The following THADA variants were observed in gnomAD, a reference collection of about 807,000 sequenced individuals.
The protein encoded by THADA is THADA armadillo repeat containing, also known as tRNA (32-2'-O)-methyltransferase regulator THADA.
THADA carries 213 observed loss-of-function variants against 219.8 expected under a neutral mutation model. The ratio of observed to expected loss-of-function variants is 0.97; its 90% CI spans 0.87 to 1.09. THADA has a LOEUF of 1.09. Among genes scored for constraint, THADA ranks in the 50% least tolerant of loss-of-function variants. The pLI, the probability that THADA is intolerant of heterozygous loss-of-function variation, is 0.00. For synonymous variants in THADA, 1,018 were observed against 828.9 expected (o/e 1.23, Z -3.92); for missense variants, 2,956 against 2,311.3 (o/e 1.28, Z -5.72).
chr2:43,305,062 C>G (rs1676699400), intron 31 of THADA, among the ~76,000 whole-genome samples: 1 of 152,100 alleles, frequency 6.6e-6, no homozygotes, highest in African/African-American at 2.4e-5. Flanking sequence ...TCAGATCCAA[C>G]AAAAGTTTTT....
chr2:43,516,786 T>C (rs903023027), intron 22 of THADA, among the ~76,000 whole-genome samples: 1 of 152,096 alleles, frequency 6.6e-6, no homozygotes, highest in African/African-American at 2.4e-5. Flanking sequence ...ATCAACTCTC[T>C]AATATTTGTT....
intron 26 of THADA, chr2:43,463,165 A>G (rs1348964969): frequency 1.3e-5 from 2 of 152,204 alleles, no homozygotes; most frequent in Non-Finnish European, 2.9e-5. Context: ...TCTCTTTTTT[A>G]GAGCTGTTCA....
intron 30 of THADA, among the ~76,000 whole-genome samples, chr2:43,330,281 G>A (rs944111055): frequency 5.9e-5 from 9 of 152,222 alleles, no homozygotes; most frequent in South Asian, 2.1e-4. Context: ...CTGAGCTTGC[G>A]TGGGAAGGTG....
intron 26 of THADA, among the ~76,000 whole-genome samples, chr2:43,443,733 T>C (rs891795934): frequency 2.6e-5 from 4 of 152,330 alleles, no homozygotes; most frequent in African/African-American, 9.6e-5. Flanking sequence ...GAAGCAGCTT[T>C]AAATTCAGAA....
chr2:43,259,180 G>C (rs1272094108), intron 36 of THADA, among the ~76,000 whole-genome samples: 4 of 152,226 alleles, frequency 2.6e-5, no homozygotes, highest in African/African-American at 9.6e-5. Flanking sequence ...GGTTCACCCA[G>C]CACTTGCTGA....
At chr2:43,511,580 T>A (rs1690452385) in intron 22 of THADA, among the ~76,000 whole-genome samples, 1 of 152,160 alleles carries the variant, frequency 6.6e-6, no homozygotes, top group Admixed American at 6.6e-5. Context: ...TAACCTTAAC[T>A]TTTCCAAGTT....
intron 30 of THADA, among the ~76,000 whole-genome samples, chr2:43,341,397 A>T (rs538016365): frequency 6.6e-6 from 1 of 152,308 alleles, no homozygotes; most frequent in Non-Finnish European, 1.5e-5. Flanking sequence ...ATTAGAAAAC[A>T]GCAATAGGGA....
chr2:43,471,997 T>C (rs1046066146), intron 26 of THADA, among the ~76,000 whole-genome samples: 3 of 152,352 alleles, frequency 2.0e-5, no homozygotes, highest in East Asian at 1.9e-4. Flanking sequence ...ACATGTTTCC[T>C]TTTGCTATTT....
At chr2:43,574,265 G>GTA (rs1402868714) in intron 11 of THADA, 71 bp downstream of exon 11, 1 of 999,426 alleles carries the variant, frequency 1.0e-6, no homozygotes, top group Non-Finnish European at 1.4e-6. Context: ...AATATGATTA[G>GTA]TATCTGCATA....
Position 43,430,268 on chromosome 2 carries a change from C to T in THADA, c.3871G>A (p.Glu1291Lys), listed in dbSNP as rs370950660. The change falls in exon 27 of 38, where the codon GAA (glutamate) becomes AAA (lysine). Residue 1291 changes from glutamate to lysine, a missense_variant. Glu to Lys is a moderately conservative substitution (Grantham distance 56, BLOSUM62 1). Transcript: ENST00000405975. ...TGREFFSRFP[E>K]LYPFLLKQLE... ...TGTTTGAGAAGAAAAGGATAGAGTT[C>T]TGGGAAACGAGAGAAAAACTCTCTC... 7.1e-6 allele frequency: 11 copies of T among 1,551,128 alleles called. No individual in the cohort carries two copies. In the African/African-American group the frequency reaches 1.5e-4, roughly 21 times the overall value.
At chr2:43,549,591 A>G (rs1696511914) in intron 19 of THADA, among the ~76,000 whole-genome samples, 1 of 152,198 alleles carries the variant, frequency 6.6e-6, no homozygotes, top group African/African-American at 2.4e-5. Flanking sequence ...TAACAACAAA[A>G]AAAACTCACT....
chr2:43,530,605 A>AT (rs1693741499), intron 21 of THADA, among the ~76,000 whole-genome samples: 1 of 152,146 alleles, frequency 6.6e-6, no homozygotes, highest in Non-Finnish European at 1.5e-5. Context: ...AACTTCCTTA[A>AT]TTTTTTTCCC....
intron 31 of THADA, among the ~76,000 whole-genome samples, chr2:43,311,378 G>A (rs1306054620): frequency 6.6e-6 from 1 of 152,200 alleles, no homozygotes; most frequent in Non-Finnish European, 1.5e-5. Flanking sequence ...GAGTTGGTAA[G>A]GATATTGAGA....
chr2:43,543,688 G>C (rs531948037), intron 20 of THADA, among the ~76,000 whole-genome samples: 2 of 152,306 alleles, frequency 1.3e-5, no homozygotes, highest in Admixed American at 1.3e-4. Context: ...GAGAAGTTCT[G>C]TTCATGTCCT....
chr2:43,247,532 A>G (rs868797439), intron 36 of THADA, among the ~76,000 whole-genome samples: 21 of 152,024 alleles, frequency 1.4e-4, no homozygotes, highest in African/African-American at 4.8e-4. Context: ...ACCAAAGGTC[A>G]GGAGTTGCCA....
At chr2:43,381,898 T>C (rs1458092370) in intron 29 of THADA, among the ~76,000 whole-genome samples, 7 of 152,150 alleles carry the variant, frequency 4.6e-5, no homozygotes, top group Admixed American at 6.5e-5. Context: ...ATAAGTCATA[T>C]TGATAGCATG....
At chr2:43,573,837 T>C (rs1266538617) in intron 11 of THADA, among the ~76,000 whole-genome samples, 1 of 152,192 alleles carries the variant, frequency 6.6e-6, no homozygotes, top group Non-Finnish European at 1.5e-5. Context: ...GTTTGTGAGT[T>C]TCAATGGGAT....
At chr2:43,349,716 T>C (rs1668036780) in intron 29 of THADA, among the ~76,000 whole-genome samples, 2 of 152,286 alleles carry the variant, frequency 1.3e-5, no homozygotes, top group South Asian at 4.1e-4. Context: ...GAGATGCTCA[T>C]TTCAAAGGTC....
chr2:43,527,881 G>A lies in THADA; in HGVS notation c.3372C>T (p.Asn1124=), dbSNP rs1483279494. 2 of 1,601,854 alleles carry A rather than the reference G, an allele frequency of 1.2e-6. No individual in the cohort carries two copies. The highest frequency in any genetic ancestry group is 2.2e-5 in the East Asian group (1 of 44,724). ...ACACAAAAGGATATTTGTTTTACCT[G>A]TTTAGTACTTCAGTGAGTTTCACAA... ...TGFVKLTEVL[N]RCPNVSLQKL... is the part of the protein sequence containing the mutation. Residue 1124 remains asparagine (N), a splice_region_variant and synonymous_variant, in exon 22 of 38, where the codon AAC becomes AAT. Transcript: ENST00000405975.
Sources: allele counts gnomAD v4.1 joint callset (sites outside exome capture counted in the v4.1 genomes callset), GRCh38; gene constraint gnomAD v4.1.1; transcripts MANE v1.5; gene names NCBI Gene and HGNC (gene_info 2026-07-23, HGNC 2026-07-21).